FGF14: variants seen among roughly 807,000 people sequenced by gnomAD.
FGF14 encodes the protein fibroblast growth factor homologous factor 4.
Under a neutral mutation model 25.5 loss-of-function variants are expected in FGF14, and 5 were observed. The ratio of observed to expected loss-of-function variants is 0.20; its 90% CI spans 0.10 to 0.41. The LOEUF is 0.41. Among genes scored for constraint, FGF14 ranks in the 10% least tolerant of loss-of-function variants. FGF14 has a pLI of 1.00. For synonymous variants in FGF14, 138 were observed against 118.3 expected (o/e 1.17, Z -1.08); for missense variants, 222 against 320.1 (o/e 0.69, Z 2.34).
At chr13:102,318,593 T>G (rs1047595123) in intron 1 of FGF14, among the ~76,000 whole-genome samples, 6 of 151,970 alleles carry the variant, frequency 3.9e-5, no homozygotes, top group Non-Finnish European at 8.8e-5. Flanking sequence ...ATCTGTGTCT[T>G]CTTCTTCGAC....
intron 1 of FGF14, among the ~76,000 whole-genome samples, chr13:102,240,544 T>C (rs747118841): frequency 4.6e-5 from 7 of 152,126 alleles, no homozygotes; most frequent in Non-Finnish European, 8.8e-5. Flanking sequence ...CCCTCTTTCA[T>C]AGAAAAACAC....
chr13:101,732,628 TA>T (rs2035886747), intron 3 of FGF14, among the ~76,000 whole-genome samples: 1 of 151,952 alleles, frequency 6.6e-6, no homozygotes, highest in African/African-American at 2.4e-5. Context: ...TTGAGTATAA[TA>T]TTAAACAACA....
intron 1 of FGF14, among the ~76,000 whole-genome samples, chr13:102,041,294 T>G (rs2041722546): frequency 1.3e-5 from 2 of 152,156 alleles, no homozygotes; most frequent in African/African-American, 4.8e-5. Context: ...AATAGTTAAC[T>G]ACCTTGTAAA....
chr13:101,911,626 C>T (rs1397598288), intron 1 of FGF14, among the ~76,000 whole-genome samples: 1 of 151,988 alleles, frequency 6.6e-6, no homozygotes, highest in African/African-American at 2.4e-5. Context: ...TTTCATTGAC[C>T]AATCTGGTAA....
intron 1 of FGF14, among the ~76,000 whole-genome samples, chr13:102,013,191 TA>T (rs980443578): frequency 2.6e-5 from 4 of 151,228 alleles, no homozygotes; most frequent in African/African-American, 9.7e-5. Flanking sequence ...ACACCAGAGA[TA>T]AAAAGAAGTA....
chr13:102,082,809 T>C (rs974645409), intron 1 of FGF14, among the ~76,000 whole-genome samples: 11 of 150,818 alleles, frequency 7.3e-5, no homozygotes, highest in Middle Eastern at 6.8e-3. Context: ...AAAAAAAAAA[T>C]TAGCCGGGCG....
rs2043769236 is a variant in FGF14, at chr13:101,850,515, GAATTATATATTCTATATATATATAT to G, written c.408+18185_408+18209del. Among the ~76,000 whole-genome samples, 33 of 38,522 alleles carry G rather than the reference GAATTATATATTCTATATATATATAT, an allele frequency of 8.6e-4. 8 individuals are homozygous for G. The highest frequency in any genetic ancestry group is 2.6e-3 in the South Asian group (3 of 1,146). The allele number at this position is 38,522 out of a possible 152,430, so 25.3% of individuals were successfully genotyped here. On this transcript the variant is annotated intron_variant, in intron 3 of 4. Coordinates refer to ENST00000376143, the MANE Select transcript of FGF14 (RefSeq NM_004115.4). ...ATATATATATATATATATATATATA[GAATTATATATTCTATATATATATAT>G]ATATATATATAGAATTATATATTCT... is the stretch of plus-strand genomic sequence containing the variant.
At chr13:102,022,954 G>C (rs991788815) in intron 1 of FGF14, among the ~76,000 whole-genome samples, 19 of 149,624 alleles carry the variant, frequency 1.3e-4, no homozygotes, top group African/African-American at 3.9e-4. Flanking sequence ...GGGCTCCCTA[G>C]GACAAAGGCA....
At chr13:102,182,495 T>C (rs940577993) in intron 1 of FGF14, among the ~76,000 whole-genome samples, 4 of 152,122 alleles carry the variant, frequency 2.6e-5, no homozygotes, top group East Asian at 1.9e-4. Flanking sequence ...ACTAATACAA[T>C]AGATTTGTAT....
At chr13:102,084,718 T>C (rs1278959555) in intron 1 of FGF14, among the ~76,000 whole-genome samples, 15 of 152,198 alleles carry the variant, frequency 9.9e-5, no homozygotes, top group Admixed American at 9.8e-4. Context: ...ACTTTAAAGA[T>C]GTATTTCCAG....
intron 1 of FGF14, among the ~76,000 whole-genome samples, chr13:102,245,732 C>T (rs1314250444): frequency 1.3e-5 from 2 of 152,034 alleles, no homozygotes; most frequent in African/African-American, 4.8e-5. Context: ...AATAAGCACA[C>T]TGCGTGTGTT....
chr13:102,379,330 A>G (rs2058122452), intron 1 of FGF14, among the ~76,000 whole-genome samples: 1 of 152,020 alleles, frequency 6.6e-6, no homozygotes, highest in Non-Finnish European at 1.5e-5. Flanking sequence ...CTTGACACTA[A>G]AAGTAAAGAA....
chr13:102,005,563 C>G (rs544714868), intron 1 of FGF14, among the ~76,000 whole-genome samples: 2 of 152,218 alleles, frequency 1.3e-5, no homozygotes, highest in Admixed American at 1.3e-4. Context: ...TCAGCACAAG[C>G]AAATATGATA....
intron 3 of FGF14, among the ~76,000 whole-genome samples, chr13:101,820,071 C>T (rs975257655): frequency 3.3e-5 from 5 of 152,060 alleles, no homozygotes; most frequent in East Asian, 3.9e-4. Context: ...TTAATTACAC[C>T]GATATAAAGT....
At chr13:101,800,390 GTAA>G (rs1314813522) in intron 3 of FGF14, among the ~76,000 whole-genome samples, 4 of 152,220 alleles carry the variant, frequency 2.6e-5, no homozygotes, top group South Asian at 4.1e-4. Flanking sequence ...AGTTACATGT[GTAA>G]TAATGTGATA....
chr13:102,323,266 TAAG>T (rs1199442867), intron 1 of FGF14, among the ~76,000 whole-genome samples: 2 of 152,226 alleles, frequency 1.3e-5, no homozygotes, highest in African/African-American at 4.8e-5. Context: ...CAGATTTCTC[TAAG>T]AATACCTGGA....
chr13:101,954,165 T>A (rs905225071), intron 1 of FGF14, among the ~76,000 whole-genome samples: 2 of 152,040 alleles, frequency 1.3e-5, no homozygotes, highest in Non-Finnish European at 2.9e-5. Flanking sequence ...TAGAACTAAA[T>A]GCGTCAACTA....
intron 1 of FGF14, among the ~76,000 whole-genome samples, chr13:102,078,516 T>C (rs1456872628): frequency 6.6e-6 from 1 of 152,210 alleles, no homozygotes; most frequent in Non-Finnish European, 1.5e-5. Context: ...ACTATGAATA[T>C]GTGCAATCTG....
intron 3 of FGF14, among the ~76,000 whole-genome samples, chr13:101,853,612 A>T (rs1218638637): frequency 2.0e-5 from 3 of 151,790 alleles, no homozygotes; most frequent in Non-Finnish European, 4.4e-5. Flanking sequence ...CCACACCTGG[A>T]TAATATTTTA....
Sources: gnomAD v4.1 joint callset for allele counts (sites outside exome capture counted in the v4.1 genomes callset) on GRCh38, gnomAD v4.1.1 for gene constraint, MANE v1.5 for transcripts, NCBI Gene and HGNC (gene_info 2026-07-23, HGNC 2026-07-21) for gene names.